Variants in SLC44A3 observed in about 807,000 individuals in gnomAD.
SLC44A3 encodes the protein solute carrier family 44 member 3.
Under a neutral mutation model 75.4 loss-of-function variants are expected in SLC44A3, and 74 were observed. The observed-to-expected ratio is 0.98, with a 90% CI of 0.81 to 1.19. SLC44A3 has a LOEUF of 1.19. SLC44A3 is among the 50% of genes most tolerant of loss of function. The probability of loss-of-function intolerance (pLI) is 0.00; values close to 1 mark genes in which losing one functional copy is unlikely to be tolerated. For synonymous variants in SLC44A3, 310 were observed against 296.9 expected (o/e 1.04, Z -0.45); for missense variants, 700 against 778.6 (o/e 0.90, Z 1.20).
intron 12 of SLC44A3, among the ~76,000 whole-genome samples, chr1:94,881,504 A>G (rs1237097654): frequency 1.3e-5 from 2 of 151,336 alleles, no homozygotes; most frequent in African/African-American, 4.9e-5. Flanking sequence ...GGAGATCAAG[A>G]CCATCCTGGC....
At chr1:94,827,414 A>T in intron 3 of SLC44A3, 93 bp from the exon 4 acceptor site, 2 of 1,501,896 alleles carry the variant, frequency 1.3e-6, no homozygotes, top group Non-Finnish European at 1.8e-6. Flanking sequence ...TGATCCCTGC[A>T]TTTGATAGCA....
chr1:94,890,672 A>G (rs1670106839), intron 12 of SLC44A3, among the ~76,000 whole-genome samples: 1 of 151,796 alleles, frequency 6.6e-6, no homozygotes, highest in South Asian at 2.1e-4. Flanking sequence ...CTGCCCTCAA[A>G]CTCTATTGTG....
At chr1:94,824,866 T>C (rs1238387692) in intron 3 of SLC44A3, among the ~76,000 whole-genome samples, 1 of 152,230 alleles carries the variant, frequency 6.6e-6, no homozygotes, top group African/African-American at 2.4e-5. Context: ...GCAGAGTACT[T>C]AACCTCTCAA....
chr1:94,838,990 G>A (rs1277659705), intron 6 of SLC44A3: 2 of 152,178 alleles, frequency 1.3e-5, no homozygotes, highest in African/African-American at 4.8e-5. Context: ...ACCACTCATA[G>A]GAGATGAAAC....
At chr1:94,856,416 G>GTTAA (rs1665882999) in intron 9 of SLC44A3, among the ~76,000 whole-genome samples, 1 of 152,310 alleles carries the variant, frequency 6.6e-6, no homozygotes, top group African/African-American at 2.4e-5. Context: ...ACCTGGGAAG[G>GTTAA]TTAACACTGA....
intron 12 of SLC44A3, among the ~76,000 whole-genome samples, chr1:94,883,241 C>T (rs1255450010): frequency 2.6e-5 from 4 of 152,014 alleles, no homozygotes; most frequent in Non-Finnish European, 5.9e-5. Context: ...TGACTTATAC[C>T]TATAATGCCA....
chr1:94,827,298 G>C, intron 3 of SLC44A3: 1 of 599,160 alleles, frequency 1.7e-6, no homozygotes, highest in Admixed American at 3.0e-5. Flanking sequence ...ATAAAGCTTT[G>C]TTAATGTTTT....
chr1:94,879,985 C>A (rs1405598229), intron 12 of SLC44A3, among the ~76,000 whole-genome samples: 1 of 152,144 alleles, frequency 6.6e-6, no homozygotes. Context: ...TCACCTCACA[C>A]CCATCAGGAT....
intron 11 of SLC44A3, among the ~76,000 whole-genome samples, chr1:94,865,934 AAC>A (rs1328950374): frequency 6.6e-6 from 1 of 152,252 alleles, no homozygotes; most frequent in East Asian, 1.9e-4. Flanking sequence ...TTGATTGGAT[AAC>A]ACATAAAATT....
chr1:94,842,481 T>C (rs999788461), intron 8 of SLC44A3, among the ~76,000 whole-genome samples: 1 of 152,238 alleles, frequency 6.6e-6, no homozygotes, highest in Non-Finnish European at 1.5e-5. Context: ...TGCCAGTGTA[T>C]GCTCAGCTTC....
intron 12 of SLC44A3, among the ~76,000 whole-genome samples, chr1:94,890,733 G>C: frequency 6.6e-6 from 1 of 152,152 alleles, no homozygotes; most frequent in Non-Finnish European, 1.5e-5. Flanking sequence ...TGTAATCCCA[G>C]CTACTCAGGA....
chr1:94,854,802 G>A (rs1218087325), intron 9 of SLC44A3, among the ~76,000 whole-genome samples: 1 of 151,610 alleles, frequency 6.6e-6, no homozygotes, highest in Non-Finnish European at 1.5e-5. Flanking sequence ...CGTGGCTGTG[G>A]GAGGGGAGGG....
At chr1:94,824,732 ACT>A in intron 3 of SLC44A3, 97 bp downstream of exon 3, 1 of 1,401,626 alleles carries the variant, frequency 7.1e-7, no homozygotes, top group Non-Finnish European at 9.5e-7. Flanking sequence ...CCCATTCAAA[ACT>A]CTGTCAGCCT....
chr1:94,829,639 G>T (rs1661857707), intron 5 of SLC44A3, among the ~76,000 whole-genome samples: 1 of 152,158 alleles, frequency 6.6e-6, no homozygotes, highest in African/African-American at 2.4e-5. Flanking sequence ...AGTGTTTATT[G>T]CCACCATTAT....
intron 12 of SLC44A3, among the ~76,000 whole-genome samples, chr1:94,887,590 C>G (rs1245843598): frequency 6.6e-6 from 1 of 152,104 alleles, no homozygotes; most frequent in Non-Finnish European, 1.5e-5. Flanking sequence ...AGCCAAAGAG[C>G]GAAATCTGTT....
intron 7 of SLC44A3, among the ~76,000 whole-genome samples, chr1:94,840,265 C>CT (rs1663408974): frequency 9.0e-6 from 1 of 111,104 alleles, no homozygotes; most frequent in African/African-American, 3.3e-5. Flanking sequence ...TCTTTCTTTT[C>CT]TTTTCTTTTT....
At chr1:94,835,918 G>A (rs948225449) in intron 5 of SLC44A3, among the ~76,000 whole-genome samples, 1 of 152,192 alleles carries the variant, frequency 6.6e-6, no homozygotes, top group Non-Finnish European at 1.5e-5. Flanking sequence ...TGGAATTTAA[G>A]CCATGTGAAT....
rs1242036217 is a variant in SLC44A3, at chr1:94,827,494, A to G, written c.279-13A>G. On this transcript the variant is annotated splice_polypyrimidine_tract_variant and intron_variant, in intron 3 of 14. Transcript: ENST00000271227. The stretch of plus-strand genomic sequence containing the variant: ...ATGCTCTAACACATTCTTCTGTTTC[A>G]TCTATTTCCTAGACACGTGTTCTTT... 6.2e-7 allele frequency: 1 copy of G among 1,614,062 alleles called. No individual in the cohort carries two copies. Among genetic ancestry groups the G allele is most frequent in the African/African-American group, 1.3e-5 (1 of 74,946 alleles).
At chr1:94,870,382 G>A (rs1256703476) in intron 12 of SLC44A3, among the ~76,000 whole-genome samples, 1 of 152,222 alleles carries the variant, frequency 6.6e-6, no homozygotes, top group African/African-American at 2.4e-5. Flanking sequence ...CCAGGGGCCA[G>A]TAAGTGGTAT....
Sources: allele counts gnomAD v4.1 joint callset (sites outside exome capture counted in the v4.1 genomes callset), GRCh38; gene constraint gnomAD v4.1.1; transcripts MANE v1.5; gene names NCBI Gene and HGNC (gene_info 2026-07-23, HGNC 2026-07-21).